C6: variants seen among roughly 807,000 people sequenced by gnomAD.
C6 encodes the protein complement component C6.
A neutral mutation model predicts 112.9 loss-of-function variants in C6; 101 were observed. The observed-to-expected ratio is 0.89, with a 90% CI of 0.76 to 1.06. C6 has a LOEUF of 1.06. C6 is among the 50% of genes least tolerant of loss of function. The pLI is 0.00. For missense variants in C6, 1,202 were observed against 1,104.6 expected (o/e 1.09, Z -1.25); for synonymous variants, 431 against 384.1 (o/e 1.12, Z -1.43).
chr5:41,224,846 C>A (rs1359819811), intron 1 of C6, among the ~76,000 whole-genome samples: 2 of 152,078 alleles, frequency 1.3e-5, no homozygotes, highest in Non-Finnish European at 1.5e-5. Flanking sequence ...GTAGCGATTG[C>A]ACCATTTTGC....
intron 1 of C6, among the ~76,000 whole-genome samples, chr5:41,207,241 A>G (rs1026549948): frequency 6.6e-6 from 1 of 152,224 alleles, no homozygotes; most frequent in East Asian, 1.9e-4. Flanking sequence ...TAAACATAGA[A>G]AGGAAAAACT....
At chr5:41,163,463 T>C (rs1816096) in intron 9 of C6, among the ~76,000 whole-genome samples, 131,480 of 152,108 alleles carry the variant, frequency 0.86, 56,930 homozygotes, top group Admixed American at 0.9. Context: ...CAGGCATGCG[T>C]CACCAGGCCT....
intron 9 of C6, 108 bp from the exon 10 acceptor site, chr5:41,161,967 G>C: frequency 9.6e-7 from 1 of 1,038,252 alleles, no homozygotes; most frequent in Non-Finnish European, 1.5e-6. Context: ...AGATGGTACA[G>C]TATGTAGCTC....
At chr5:41,160,041 G>A (rs2150264769) in intron 11 of C6, 101 bp downstream of exon 11, 1 of 892,520 alleles carries the variant, frequency 1.1e-6, no homozygotes, top group East Asian at 2.5e-5. Context: ...GTACAAGGTG[G>A]AGGTTGCTAA....
At chr5:41,204,489 C>A (rs968579851) in intron 1 of C6, among the ~76,000 whole-genome samples, 1 of 152,014 alleles carries the variant, frequency 6.6e-6, no homozygotes, top group East Asian at 1.9e-4. Context: ...TATATTTCTA[C>A]GTGATTAGTT....
At position 41,142,824 on chromosome 5, in the gene C6, G is replaced by T. The variant is rs753213847; in HGVS notation, c.*1C>A. ...TTGTGCTGGGCCTAGCAGTAATTGTGCTAGGCCAAACACTTTCCAGGATGC... is the reference window on the plus strand; with the variant it reads ...TTGTGCTGGGCCTAGCAGTAATTGTTCTAGGCCAAACACTTTCCAGGATGC... On this transcript the variant is annotated 3_prime_UTR_variant, in exon 18 of 18. Transcript: ENST00000337836. The T allele has an allele frequency of 1.2e-6, 2 of 1,610,636 alleles. No homozygotes were observed. The highest frequency in any genetic ancestry group is 1.1e-5 in the South Asian group (1 of 91,016).
chr5:41,226,618 C>G (rs554888521), intron 1 of C6, among the ~76,000 whole-genome samples: 35 of 152,274 alleles, frequency 2.3e-4, no homozygotes, highest in Non-Finnish European at 4.4e-4. Flanking sequence ...TATCACCTCC[C>G]TCCTGCGGCC....
chr5:41,212,506 T>C (rs976096810), intron 1 of C6, among the ~76,000 whole-genome samples: 19 of 152,190 alleles, frequency 1.2e-4, no homozygotes, highest in Admixed American at 1.1e-3. Context: ...ATTTTTTTGT[T>C]ATGATGGCCT....
chr5:41,254,298 T>C (rs560034915), intron 1 of C6, among the ~76,000 whole-genome samples: 34 of 152,150 alleles, frequency 2.2e-4, no homozygotes, highest in Admixed American at 1.5e-3. Flanking sequence ...CCCAACTACT[T>C]GGGAGGCTGA....
intron 8 of C6, among the ~76,000 whole-genome samples, chr5:41,175,493 G>T (rs377337530): frequency 6.6e-6 from 1 of 152,160 alleles, no homozygotes; most frequent in Non-Finnish European, 1.5e-5. Flanking sequence ...TACAGAGAAA[G>T]AGATGGAATG....
intron 1 of C6, among the ~76,000 whole-genome samples, chr5:41,252,408 G>C (rs191347004): frequency 6.6e-6 from 1 of 152,124 alleles, no homozygotes; most frequent in African/African-American, 2.4e-5. Flanking sequence ...CTTTGGAGTT[G>C]AGGCAAAACT....
In C6 at chr5:41,149,923, G is replaced by A. The variant is rs1268027026; in HGVS notation, c.2381+12C>T. The A allele has an allele frequency of 2.5e-6, 4 of 1,572,242 alleles. No homozygotes were observed. On this transcript the variant is annotated intron_variant, in intron 16 of 17. Transcript: ENST00000337836. ...CCCAATTTCCAGACACAGTCTGTAGGGTATCTCTTACCTACAGTCTTCTTC... is the reference window on the plus strand; with the variant it reads ...CCCAATTTCCAGACACAGTCTGTAGAGTATCTCTTACCTACAGTCTTCTTC...
intron 1 of C6, among the ~76,000 whole-genome samples, chr5:41,242,750 TG>T (rs1740794404): frequency 1.3e-5 from 2 of 152,154 alleles, no homozygotes; most frequent in South Asian, 4.1e-4. Flanking sequence ...ACCTCCAGAA[TG>T]GTACGTCAAC....
intron 5 of C6, among the ~76,000 whole-genome samples, chr5:41,189,239 A>G (rs1436693421): frequency 1.3e-5 from 2 of 152,084 alleles, no homozygotes; most frequent in East Asian, 3.8e-4. Flanking sequence ...AATTAAATGT[A>G]TAATTACCAT....
chr5:41,189,304 T>C (rs1056693524), intron 5 of C6, among the ~76,000 whole-genome samples: 2 of 152,048 alleles, frequency 1.3e-5, no homozygotes, highest in African/African-American at 4.8e-5. Context: ...AAAATATATA[T>C]CAATGCAAAA....
intron 5 of C6, chr5:41,186,430 A>G (rs1426054202): frequency 1.6e-5 from 9 of 552,080 alleles, no homozygotes; most frequent in Non-Finnish European, 2.9e-5. Context: ...AGGTTCTCCT[A>G]TTCCACTTAC....
chr5:41,253,913 G>A (rs759367827), intron 1 of C6, among the ~76,000 whole-genome samples: 1 of 152,200 alleles, frequency 6.6e-6, no homozygotes, highest in South Asian at 2.1e-4. Flanking sequence ...TGCCCAAAAG[G>A]CAATGTGTAA....
chr5:41,150,145 T>C, intron 15 of C6, 120 bp from the exon 16 acceptor site: 1 of 730,426 alleles, frequency 1.4e-6, no homozygotes, highest in Admixed American at 2.0e-5. Context: ...AGTTAGATCA[T>C]TCATTTTGGC....
intron 4 of C6, 27 bp from the exon 5 acceptor site, chr5:41,195,960 A>G (rs1271109121): frequency 6.2e-7 from 1 of 1,612,326 alleles, no homozygotes. Flanking sequence ...AACAAAATCA[A>G]TGCAACAAAT....
Sources: gnomAD v4.1 joint callset for allele counts (sites outside exome capture counted in the v4.1 genomes callset) on GRCh38, gnomAD v4.1.1 for gene constraint, MANE v1.5 for transcripts, NCBI Gene and HGNC (gene_info 2026-07-23, HGNC 2026-07-21) for gene names.